Variants in ANO6 observed in about 807,000 individuals in gnomAD.
The protein encoded by ANO6 is anoctamin 6.
A neutral mutation model predicts 117.5 loss-of-function variants in ANO6; 106 were observed. The ratio of observed to expected loss-of-function variants is 0.90; its 90% CI spans 0.77 to 1.06. The LOEUF (loss-of-function observed/expected upper bound fraction) is 1.06, where lower values mean the gene tolerates loss of function less well. Among genes scored for constraint, ANO6 ranks in the 50% least tolerant of loss-of-function variants. The probability of loss-of-function intolerance (pLI) is 0.00; values close to 1 mark genes in which losing one functional copy is unlikely to be tolerated. For missense variants in ANO6, 955 were observed against 1,121.1 expected, an observed-to-expected ratio of 0.85 and a Z score of 2.12; for synonymous variants, 367 against 385.1, an observed-to-expected ratio of 0.95 and a Z score of 0.55.
At chr12:45,265,731 A>G (rs1357512332) in intron 1 of ANO6, among the ~76,000 whole-genome samples, 1 of 152,020 alleles carries the variant, frequency 6.6e-6, no homozygotes, top group Non-Finnish European at 1.5e-5. Flanking sequence ...ACACCTTCGT[A>G]GACTCTATAC....
chr12:45,306,779 C>CA (rs959825427), intron 2 of ANO6, among the ~76,000 whole-genome samples: 1 of 151,026 alleles, frequency 6.6e-6, no homozygotes, highest in Non-Finnish European at 1.5e-5. Context: ...AGACATAAAA[C>CA]ACAAACGTCA....
In ANO6 at chr12:45,423,071, A is replaced by T. The variant is rs1443188315; in HGVS notation, c.2526+9A>T. The T allele has an allele frequency of 1.9e-6, 3 of 1,594,978 alleles. No homozygotes were observed. In the South Asian group the frequency reaches 3.3e-5, roughly 18 times the overall value. On this transcript the variant is annotated intron_variant, in intron 19 of 19. Coordinates refer to ENST00000320560, the MANE Select transcript of ANO6 (RefSeq NM_001025356.3). ...TTATCATTGTCATGGAGGTAGGAAA[A>T]GTATGCTTTCAAACAGTTTATAAGG...
intron 12 of ANO6, among the ~76,000 whole-genome samples, chr12:45,391,622 C>T (rs1263022503): frequency 6.6e-6 from 1 of 152,038 alleles, no homozygotes; most frequent in African/African-American, 2.4e-5. Flanking sequence ...AATCCCAGCA[C>T]TTTGGGAGGC....
chr12:45,225,349 T>C (rs1015800984), intron 1 of ANO6, among the ~76,000 whole-genome samples: 1 of 152,248 alleles, frequency 6.6e-6, no homozygotes, highest in Non-Finnish European at 1.5e-5. Context: ...GTATTTTGTA[T>C]TTTAGCTGTA....
At chr12:45,223,752 A>C (rs569238765) in intron 1 of ANO6, among the ~76,000 whole-genome samples, 1 of 152,302 alleles carries the variant, frequency 6.6e-6, no homozygotes, top group South Asian at 2.1e-4. Context: ...TTCCATTGCT[A>C]TAATTTTTAA....
rs116302172 is a variant in ANO6 at position 45,381,025 on chromosome 12, T to C, written c.1165+2912T>C. 6.2e-3 allele frequency among the ~76,000 whole-genome samples: 948 copies of C among 152,258 alleles called. 15 individuals carry two copies. The highest frequency in any genetic ancestry group is 0.021 in the African/African-American group (887 of 41,554). ...AATCTAACTTCTCTGCCTCTGTGGGTTACGAGGCCTAAATGGTTTCAAGGC... is the reference window on the plus strand; with the variant it reads ...AATCTAACTTCTCTGCCTCTGTGGGCTACGAGGCCTAAATGGTTTCAAGGC... On this transcript the variant is annotated intron_variant, in intron 10 of 19. Coordinates refer to ENST00000320560, the MANE Select transcript of ANO6 (RefSeq NM_001025356.3).
chr12:45,350,637 C>A (rs1170944088), intron 6 of ANO6, 22 bp from the exon 7 acceptor site: 1 of 1,573,260 alleles, frequency 6.4e-7, no homozygotes, highest in South Asian at 1.1e-5. Flanking sequence ...ATGGTGCTTA[C>A]ATGTTCCCTT....
At chr12:45,331,484 C>T in intron 3 of ANO6, 61 bp downstream of exon 3, 1 of 1,433,024 alleles carries the variant, frequency 7.0e-7, no homozygotes. Flanking sequence ...GAAAAAACTG[C>T]TATTTTGTAT....
At chr12:45,222,712 C>T (rs1379531067) in intron 1 of ANO6, among the ~76,000 whole-genome samples, 2 of 152,194 alleles carry the variant, frequency 1.3e-5, no homozygotes, top group Non-Finnish European at 2.9e-5. Context: ...CCCCATCTTT[C>T]TGTGTGAGAA....
chr12:45,326,178 A>G (rs1940455000), intron 2 of ANO6, among the ~76,000 whole-genome samples: 1 of 152,196 alleles, frequency 6.6e-6, no homozygotes. Context: ...ATGGAAACAG[A>G]GGTAAAATCA....
chr12:45,345,843 TA>T (rs1941115984), intron 3 of ANO6, among the ~76,000 whole-genome samples: 1 of 152,078 alleles, frequency 6.6e-6, no homozygotes, highest in South Asian at 2.1e-4. Flanking sequence ...GACTAATTTA[TA>T]AAGAACAGAA....
intron 9 of ANO6, among the ~76,000 whole-genome samples, chr12:45,369,660 T>C (rs772630984): frequency 2.0e-5 from 3 of 152,214 alleles, no homozygotes; most frequent in African/African-American, 7.2e-5. Flanking sequence ...GCACTTTTTC[T>C]GGCTTTTCTG....
intron 1 of ANO6, among the ~76,000 whole-genome samples, chr12:45,232,688 A>T (rs1246784920): frequency 1.3e-5 from 2 of 152,220 alleles, no homozygotes; most frequent in Admixed American, 1.3e-4. Flanking sequence ...GGTTTTGTTT[A>T]TAATGATTTC....
intron 2 of ANO6, among the ~76,000 whole-genome samples, chr12:45,325,047 T>A (rs10785568): frequency 0.91 from 138,405 of 151,916 alleles, 63,532 homozygotes; most frequent in East Asian, 1. Context: ...AAGTATATAA[T>A]TAAGAAGAAT....
At position 45,431,864 on chromosome 12, in the gene ANO6, T is replaced by G; in HGVS notation, c.*2553T>G. 2.0e-6 allele frequency: 2 copies of G among 985,464 alleles called. No homozygotes were observed. The highest frequency in any genetic ancestry group is 2.4e-6 in the Non-Finnish European group (2 of 829,944). 61.0% of individuals were successfully genotyped at this position (985,464 alleles called of 1,614,324 possible). On this transcript the variant is annotated 3_prime_UTR_variant, in exon 20 of 20. Coordinates refer to ENST00000320560, the MANE Select transcript of ANO6 (RefSeq NM_001025356.3). ...AGAAACTGAGCTTTATATCCTTTTT[T>G]AATGCCTGTGAATTTTAGCATATTG... is the stretch of plus-strand genomic sequence containing the variant.
intron 1 of ANO6, among the ~76,000 whole-genome samples, chr12:45,227,049 C>CACG (rs1947493943): frequency 7.2e-6 from 1 of 139,624 alleles, no homozygotes; most frequent in Non-Finnish European, 1.5e-5. Flanking sequence ...AGTGCAGTGG[C>CACG]ACGATCTTGG....
chr12:45,322,072 T>C, intron 2 of ANO6, among the ~76,000 whole-genome samples: 1 of 152,122 alleles, frequency 6.6e-6, no homozygotes, highest in Non-Finnish European at 1.5e-5. Context: ...TGCACCATCA[T>C]TGCAGATGGT....
chr12:45,344,971 G>A (rs1193429526), intron 3 of ANO6, among the ~76,000 whole-genome samples: 1 of 152,088 alleles, frequency 6.6e-6, no homozygotes, highest in East Asian at 1.9e-4. Flanking sequence ...TCACTTTTGG[G>A]GAGCGGAGTA....
chr12:45,319,816 C>A (rs959491639), intron 2 of ANO6, among the ~76,000 whole-genome samples: 5 of 152,056 alleles, frequency 3.3e-5, no homozygotes, highest in East Asian at 3.8e-4. Flanking sequence ...ATCTATTGAG[C>A]GATTCAACTT....
Sources: allele counts gnomAD v4.1 joint callset (sites outside exome capture counted in the v4.1 genomes callset), GRCh38; gene constraint gnomAD v4.1.1; transcripts MANE v1.5; gene names NCBI Gene and HGNC (gene_info 2026-07-23, HGNC 2026-07-21).